The following MACROD2 variants were observed in gnomAD, a reference collection of about 807,000 sequenced individuals.
MACROD2 encodes the protein mono-ADP ribosylhydrolase 2, also known as ADP-ribose glycohydrolase MACROD2.
In MACROD2, 36 loss-of-function variants were observed where a neutral mutation model predicts 70.4. The observed-to-expected ratio is 0.51, with a 90% confidence interval of 0.39 to 0.68. MACROD2 has a LOEUF of 0.68. Ranked by LOEUF, MACROD2 falls within the 30% of genes least tolerant of loss-of-function variation. MACROD2 has a pLI of 0.00. For synonymous variants in MACROD2, 172 were observed against 178.8 expected, an observed-to-expected ratio of 0.96 and a Z score of 0.30; for missense variants, 496 against 538.4, an observed-to-expected ratio of 0.92 and a Z score of 0.78.
At chr20:14,917,017 C>T (rs2074100413) in intron 5 of MACROD2, among the ~76,000 whole-genome samples, 2 of 151,894 alleles carry the variant, frequency 1.3e-5, no homozygotes, top group African/African-American at 2.4e-5. Flanking sequence ...TGCCAAATAA[C>T]AAATGGTGCC....
At chr20:15,206,133 G>C (rs1442379678) in intron 5 of MACROD2, among the ~76,000 whole-genome samples, 1 of 151,888 alleles carries the variant, frequency 6.6e-6, no homozygotes, top group East Asian at 1.9e-4. Context: ...CAAATGTTTG[G>C]TTCTTTTTTA....
chr20:14,257,962 A>G (rs867716136), intron 3 of MACROD2, among the ~76,000 whole-genome samples: 3 of 152,242 alleles, frequency 2.0e-5, no homozygotes, highest in Non-Finnish European at 1.5e-5. Flanking sequence ...CTTGGCTCCC[A>G]TTTAAAATTG....
At chr20:16,036,811 G>A (rs921914253) in intron 15 of MACROD2, among the ~76,000 whole-genome samples, 2 of 151,868 alleles carry the variant, frequency 1.3e-5, no homozygotes, top group Non-Finnish European at 2.9e-5. Context: ...ACACATGCAC[G>A]CACGCACATG....
chr20:16,022,948 A>T (rs1418972292), intron 15 of MACROD2, among the ~76,000 whole-genome samples: 1 of 152,190 alleles, frequency 6.6e-6, no homozygotes, highest in African/African-American at 2.4e-5. Flanking sequence ...AAAACTTGGT[A>T]TTGATCTTTA....
At chr20:14,831,234 T>C (rs752752971) in intron 5 of MACROD2, among the ~76,000 whole-genome samples, 1 of 152,142 alleles carries the variant, frequency 6.6e-6, no homozygotes, top group Non-Finnish European at 1.5e-5. Flanking sequence ...TTCCTACCTG[T>C]GGCGCAGTGG....
At chr20:15,364,088 A>G (rs2078384266) in intron 6 of MACROD2, among the ~76,000 whole-genome samples, 1 of 152,238 alleles carries the variant, frequency 6.6e-6, no homozygotes, top group African/African-American at 2.4e-5. Flanking sequence ...GCCTGACTTT[A>G]TGTGAATATA....
At chr20:15,234,606 G>A (rs1295893207) in intron 6 of MACROD2, among the ~76,000 whole-genome samples, 1 of 152,138 alleles carries the variant, frequency 6.6e-6, no homozygotes, top group Non-Finnish European at 1.5e-5. Flanking sequence ...GTGAAATCAA[G>A]CATCTAAATT....
intron 8 of MACROD2, among the ~76,000 whole-genome samples, chr20:15,700,183 G>C (rs1323318015): frequency 6.6e-6 from 1 of 152,142 alleles, no homozygotes; most frequent in Non-Finnish European, 1.5e-5. Context: ...GTTTGTTCTT[G>C]CAGTTCTGAA....
intron 5 of MACROD2, among the ~76,000 whole-genome samples, chr20:15,197,966 T>TTTC (rs1339053181): frequency 6.7e-6 from 1 of 148,172 alleles, no homozygotes; most frequent in Non-Finnish European, 1.5e-5. Context: ...CCTCCTTTTT[T>TTTC]TTTTTTTTTT....
At chr20:15,353,417 C>G (rs1414854052) in intron 6 of MACROD2, among the ~76,000 whole-genome samples, 4 of 152,100 alleles carry the variant, frequency 2.6e-5, no homozygotes, top group African/African-American at 9.7e-5. Context: ...AAAACCTAGG[C>G]AATACCATTC....
At chr20:15,529,913 G>T (rs1426692660) in intron 8 of MACROD2, among the ~76,000 whole-genome samples, 1 of 152,186 alleles carries the variant, frequency 6.6e-6, no homozygotes, top group Non-Finnish European at 1.5e-5. Flanking sequence ...ATTCAGAGAG[G>T]TGACAGACAT....
At chr20:14,006,032 AT>A in intron 2 of MACROD2, among the ~76,000 whole-genome samples, 1 of 152,148 alleles carries the variant, frequency 6.6e-6, no homozygotes, top group South Asian at 2.1e-4. Flanking sequence ...ATAATACTGT[AT>A]TTTTACTATG....
chr20:15,060,105 AC>A (rs1305797441), intron 5 of MACROD2, among the ~76,000 whole-genome samples: 1 of 152,210 alleles, frequency 6.6e-6, no homozygotes, highest in African/African-American at 2.4e-5. Context: ...CATTCGTGTT[AC>A]ACCCTTGGGA....
intron 5 of MACROD2, among the ~76,000 whole-genome samples, chr20:14,816,090 G>A (rs1002666502): frequency 6.6e-6 from 1 of 152,036 alleles, no homozygotes; most frequent in Non-Finnish European, 1.5e-5. Flanking sequence ...AAGGAGTTGA[G>A]TGGAAAATGG....
chr20:15,723,111 C>T (rs535068228), intron 8 of MACROD2, among the ~76,000 whole-genome samples: 3 of 152,210 alleles, frequency 2.0e-5, no homozygotes, highest in Non-Finnish European at 4.4e-5. Flanking sequence ...TTACCATCAT[C>T]TTAAAAAAGA....
chr20:14,914,359 T>C (rs1427130691), intron 5 of MACROD2, among the ~76,000 whole-genome samples: 1 of 152,166 alleles, frequency 6.6e-6, no homozygotes, highest in Non-Finnish European at 1.5e-5. Flanking sequence ...GTGGTGGTAA[T>C]GCATATTTAA....
chr20:14,014,239 C>T (rs2052956269), intron 2 of MACROD2, among the ~76,000 whole-genome samples: 1 of 145,762 alleles, frequency 6.9e-6, no homozygotes, highest in Admixed American at 6.9e-5. Context: ...TCCCCCCCAC[C>T]CCCAATAATT....
chr20:14,923,331 G>C (rs2074186782), intron 5 of MACROD2, among the ~76,000 whole-genome samples: 1 of 152,164 alleles, frequency 6.6e-6, no homozygotes, highest in East Asian at 1.9e-4. Flanking sequence ...CTCCAGCCCA[G>C]ACTTGTCTGC....
At chr20:14,453,719 TACC>T (rs1464523855) in intron 3 of MACROD2, among the ~76,000 whole-genome samples, 4 of 152,170 alleles carry the variant, frequency 2.6e-5, no homozygotes, top group Non-Finnish European at 5.9e-5. Flanking sequence ...TAAAAGAAAT[TACC>T]TATAGATCCA....
Sources: gnomAD v4.1 joint callset for allele counts (sites outside exome capture counted in the v4.1 genomes callset) on GRCh38, gnomAD v4.1.1 for gene constraint, MANE v1.5 for transcripts, NCBI Gene and HGNC (gene_info 2026-07-23, HGNC 2026-07-21) for gene names.